Variants in VWA8 observed in about 807,000 individuals in gnomAD.
VWA8 encodes the protein von Willebrand factor A domain containing 8.
Under a neutral mutation model 241.5 loss-of-function variants are expected in VWA8, and 221 were observed. That is an observed-to-expected ratio of 0.91 (90% confidence interval 0.82 to 1.02). VWA8 has a LOEUF of 1.02. Among genes scored for constraint, VWA8 ranks in the 50% least tolerant of loss-of-function variants. VWA8 has a pLI of 0.00. For synonymous variants in VWA8, 852 were observed against 827.1 expected (o/e 1.03, Z -0.52); for missense variants, 2,322 against 2,328.7 (o/e 1.00, Z 0.06).
chr13:41,637,568 AAAAG>A (rs1364140281), intron 37 of VWA8, among the ~76,000 whole-genome samples: 3 of 151,734 alleles, frequency 2.0e-5, no homozygotes, highest in Admixed American at 1.3e-4. Flanking sequence ...TATAATAAAA[AAAAG>A]AAATAAAAAA....
At chr13:41,914,550 A>G (rs2138117310) in intron 2 of VWA8, among the ~76,000 whole-genome samples, 1 of 152,150 alleles carries the variant, frequency 6.6e-6, no homozygotes, top group Non-Finnish European at 1.5e-5. Context: ...ACAAAATAAG[A>G]GTTAAGACAC....
chr13:41,717,782 C>A (rs1182037671), intron 26 of VWA8, among the ~76,000 whole-genome samples: 1 of 152,046 alleles, frequency 6.6e-6, no homozygotes, highest in East Asian at 1.9e-4. Flanking sequence ...CTACTCTGAT[C>A]TCCTTCTAAA....
intron 26 of VWA8, among the ~76,000 whole-genome samples, chr13:41,711,775 G>A (rs941094289): frequency 5.3e-5 from 8 of 152,082 alleles, no homozygotes; most frequent in Non-Finnish European, 1.2e-4. Flanking sequence ...TTGGGAGGCT[G>A]AGGCAGGAGA....
chr13:41,644,650 G>C (rs1030738039), intron 37 of VWA8, among the ~76,000 whole-genome samples: 18 of 152,220 alleles, frequency 1.2e-4, no homozygotes, highest in Non-Finnish European at 2.2e-4. Context: ...GTGCAAGGTG[G>C]GTTCCCCTGA....
chr13:41,828,350 A>G (rs958445429), intron 14 of VWA8, among the ~76,000 whole-genome samples: 1 of 152,238 alleles, frequency 6.6e-6, no homozygotes, highest in Non-Finnish European at 1.5e-5. Flanking sequence ...TACAGCTTCA[A>G]TTAAACAGAG....
chr13:41,845,263 G>C (rs1476777046), intron 12 of VWA8, among the ~76,000 whole-genome samples: 2 of 152,030 alleles, frequency 1.3e-5, no homozygotes, highest in Non-Finnish European at 2.9e-5. Flanking sequence ...ACATCAGTTA[G>C]AATGCCTATT....
At position 41,865,948 on chromosome 13, in the gene VWA8, AT is replaced by A. The variant is rs1873274365; in HGVS notation, c.1300del (p.Met434Ter). On this transcript the variant is annotated frameshift_variant, in exon 11 of 45. Transcript: ENST00000379310. LOFTEE classifies it high-confidence loss of function. ...ATCTTTAACCATGTGAGACTGCATC[AT>A]TTCAGCCTGTAGCTGCTTATGGCTC... The part of the protein sequence containing the change: ...TLSHKQLQAE[M>X]MQSHMVKDIC... 1 of 1,614,112 alleles carries A rather than the reference AT, an allele frequency of 6.2e-7. No individual in the cohort carries two copies. Among genetic ancestry groups the A allele is most frequent in the Non-Finnish European group, 8.5e-7 (1 of 1,180,048 alleles).
At position 41,615,145 on chromosome 13, in the gene VWA8, C is replaced by A; in HGVS notation, c.4612-61G>T. On this transcript the variant is annotated intron_variant, in intron 37 of 44. Transcript: ENST00000379310. Reference sequence around the variant, plus strand: ...GTGACAAACACCAGGGACTGCATGACAGAAAAAAAAATTATTTTCTCCTAA... The same window carrying A: ...GTGACAAACACCAGGGACTGCATGAAAGAAAAAAAAATTATTTTCTCCTAA... The A allele has an allele frequency of 3.9e-6, 6 of 1,541,226 alleles. No homozygotes were observed. In the Admixed American group the frequency reaches 5.5e-5, roughly 14 times the overall value.
chr13:41,689,429 C>A lies in VWA8; in HGVS notation c.4056G>T (p.Lys1352Asn). 6.2e-7 allele frequency: 1 copy of A among 1,612,102 alleles called. No homozygotes were observed. The highest frequency in any genetic ancestry group is 8.5e-7 in the Non-Finnish European group (1 of 1,179,150). ...SEHLSSAVEQ[K>N]IASPNRILSD... ...AGAGAATTCTGTTGGGAGAGGCAATCTTTTGTTCCACAGCTGAACTTAGAT... is the reference window on the plus strand; with the variant it reads ...AGAGAATTCTGTTGGGAGAGGCAATATTTTGTTCCACAGCTGAACTTAGAT... Residue 1352 changes from lysine (K) to asparagine (N), a missense_variant, in exon 34 of 45, where the codon AAG becomes AAT. Coordinates refer to ENST00000379310, the MANE Select transcript of VWA8 (RefSeq NM_015058.2).
chr13:41,779,874 A>G (rs1054680488), intron 19 of VWA8, among the ~76,000 whole-genome samples: 4 of 152,212 alleles, frequency 2.6e-5, no homozygotes, highest in Non-Finnish European at 5.9e-5. Flanking sequence ...ATATCTAACT[A>G]GATTATTCAA....
chr13:41,727,055 G>C, intron 24 of VWA8, 139 bp downstream of exon 24: 1 of 707,944 alleles, frequency 1.4e-6, no homozygotes, highest in Non-Finnish European at 2.2e-6. Context: ...TTCACTAAAA[G>C]GGGGATAATA....
intron 14 of VWA8, among the ~76,000 whole-genome samples, chr13:41,820,997 A>G (rs989079512): frequency 4.6e-5 from 7 of 152,214 alleles, no homozygotes; most frequent in African/African-American, 1.7e-4. Flanking sequence ...TTTCTCACTT[A>G]AGATAGTGAA....
At chr13:41,698,317 C>A (rs1034701086) in intron 29 of VWA8, among the ~76,000 whole-genome samples, 5 of 151,790 alleles carry the variant, frequency 3.3e-5, no homozygotes, top group Admixed American at 3.3e-4. Context: ...AATAGGTATA[C>A]AAAAACATTA....
intron 17 of VWA8, among the ~76,000 whole-genome samples, chr13:41,804,603 T>C (rs573001761): frequency 6.6e-6 from 1 of 152,152 alleles, no homozygotes; most frequent in East Asian, 1.9e-4. Context: ...ATAGTAAGTA[T>C]ACAGAAAAAG....
intron 12 of VWA8, among the ~76,000 whole-genome samples, chr13:41,835,545 C>T (rs1327919116): frequency 1.3e-5 from 2 of 152,230 alleles, no homozygotes; most frequent in South Asian, 2.1e-4. Flanking sequence ...CTGAGACAGT[C>T]ACGACATTCC....
At chr13:41,738,840 A>G (rs1250292972) in intron 21 of VWA8, among the ~76,000 whole-genome samples, 1 of 152,202 alleles carries the variant, frequency 6.6e-6, no homozygotes. Context: ...AAGGATAAAA[A>G]TACAAAGTTG....
Position 41,614,966 on chromosome 13 carries a change from T to G in VWA8, c.4720+10A>C. The G allele has an allele frequency of 6.2e-7, 1 of 1,612,636 alleles. No individual in the cohort carries two copies. Among genetic ancestry groups the G allele is most frequent in the Non-Finnish European group, 8.5e-7 (1 of 1,179,844 alleles). Reference sequence around the variant, plus strand: ...GAAGGCTGACTCAGGAGAATGCCTGTGCTACCAACCTGTTCCGCCAGCCCA... The same window carrying G: ...GAAGGCTGACTCAGGAGAATGCCTGGGCTACCAACCTGTTCCGCCAGCCCA... On this transcript the variant is annotated intron_variant, in intron 38 of 44. Transcript: ENST00000379310.
At chr13:41,858,036 C>T (rs1305638642) in intron 12 of VWA8, among the ~76,000 whole-genome samples, 1 of 152,136 alleles carries the variant, frequency 6.6e-6, no homozygotes, top group African/African-American at 2.4e-5. Context: ...ATACTATTGG[C>T]TCTATTGGTT....
Position 41,675,206 on chromosome 13 carries a change from A to G in VWA8, c.4409+9T>C. ...ATACTAAGCTAAGAACAAAGGTGAA[A>G]TGGATTACCTGGGAATAGGGATATA... On this transcript the variant is annotated intron_variant, in intron 36 of 44. Transcript: ENST00000379310. 1 of 1,600,550 alleles carries G rather than the reference A, an allele frequency of 6.2e-7. No individual in the cohort carries two copies. Among genetic ancestry groups the G allele is most frequent in the South Asian group, 1.1e-5 (1 of 90,516 alleles).
Sources: allele counts gnomAD v4.1 joint callset (sites outside exome capture counted in the v4.1 genomes callset), GRCh38; gene constraint gnomAD v4.1.1; transcripts MANE v1.5; gene names NCBI Gene and HGNC (gene_info 2026-07-23, HGNC 2026-07-21).